Variants in MAL2 observed in about 807,000 individuals in gnomAD.
The protein encoded by MAL2 is protein MAL2.
In MAL2, 17 loss-of-function variants were observed where a neutral mutation model predicts 18.1. The ratio of observed to expected loss-of-function variants is 0.94; its 90% CI spans 0.64 to 1.41. MAL2 has a LOEUF of 1.41. Ranked by LOEUF, MAL2 falls within the 40% of genes most tolerant of loss-of-function variation. MAL2 has a pLI of 0.00. For missense variants in MAL2, 222 were observed against 231.9 expected (o/e 0.96, Z 0.28); for synonymous variants, 102 against 102.3 (o/e 1.00, Z 0.02).
intron 1 of MAL2, chr8:119,221,238 A>C: frequency 5.5e-6 from 1 of 183,084 alleles, no homozygotes; most frequent in Non-Finnish European, 1.1e-5. Flanking sequence ...TGACTGAAAA[A>C]ATACCTTCAT....
intron 1 of MAL2, among the ~76,000 whole-genome samples, chr8:119,210,884 C>T (rs1817257916): frequency 6.6e-6 from 1 of 152,078 alleles, no homozygotes; most frequent in South Asian, 2.1e-4. Context: ...TATCAATCTC[C>T]CCCACCCCAT....
intron 3 of MAL2, among the ~76,000 whole-genome samples, chr8:119,240,903 A>G (rs576199606): frequency 6.6e-6 from 1 of 152,158 alleles, no homozygotes; most frequent in African/African-American, 2.4e-5. Context: ...ATCATCTTTA[A>G]TTCGTATACT....
intron 2 of MAL2, among the ~76,000 whole-genome samples, chr8:119,225,733 C>T (rs1817580111): frequency 6.6e-6 from 1 of 152,174 alleles, no homozygotes; most frequent in African/African-American, 2.4e-5. Context: ...TACATTCCCA[C>T]CAACAGTGTA....
At chr8:119,228,391 G>A (rs1227403389) in intron 2 of MAL2, among the ~76,000 whole-genome samples, 1 of 152,158 alleles carries the variant, frequency 6.6e-6, no homozygotes, top group East Asian at 1.9e-4. Context: ...TAGAAGCGAT[G>A]ACAAGTGGAG....
At chr8:119,223,123 G>A (rs1217813078) in intron 2 of MAL2, among the ~76,000 whole-genome samples, 2 of 152,182 alleles carry the variant, frequency 1.3e-5, no homozygotes, top group Non-Finnish European at 2.9e-5. Flanking sequence ...CAGCTTTAGT[G>A]CAGATGTTAA....
rs1036252549 is a variant in MAL2 at position 119,234,642 on chromosome 8, TCCCTGAC to T, written c.304-5512_304-5506del. Among the ~76,000 whole-genome samples the T allele has an allele frequency of 1.4e-4, 22 of 151,904 alleles. No individual in the cohort carries two copies. In the East Asian group the frequency reaches 2.7e-3, roughly 19 times the overall value. ...CTGGCAGACTGCCTCCTCAAGTGGG[TCCCTGAC>T]CCCTGACCCCGGAACAGCCTAACTG... On this transcript the variant is annotated intron_variant, in intron 2 of 3. Transcript: ENST00000614891.
chr8:119,236,318 G>C (rs1157889386), intron 2 of MAL2, among the ~76,000 whole-genome samples: 3 of 147,686 alleles, frequency 2.0e-5, no homozygotes, highest in East Asian at 2.0e-4. Flanking sequence ...CCTACAAAGA[G>C]ACTTAGACTC....
chr8:119,217,646 C>T (rs1049627039), intron 1 of MAL2, among the ~76,000 whole-genome samples: 3 of 152,280 alleles, frequency 2.0e-5, no homozygotes, highest in South Asian at 2.1e-4. Flanking sequence ...AGATCCAAGA[C>T]GATGAGAATA....
chr8:119,221,217 G>A lies in MAL2; in HGVS notation c.133-370G>A, dbSNP rs1308530472. 4 of 174,484 alleles carry A rather than the reference G, an allele frequency of 2.3e-5. No homozygotes were observed. The East Asian group carries it at 5.8e-4, about 25-fold the overall frequency. 10.8% of individuals were successfully genotyped at this position (174,484 alleles called of 1,614,324 possible). A position where few individuals can be genotyped will look rare whatever the true frequency, so the allele number is the denominator to read the frequency against. On this transcript the variant is annotated intron_variant, in intron 1 of 3. Transcript: ENST00000614891. ...TTGGAGACCAAGCAAAGATGAATTT[G>A]TTAAAATGGTTGACTGAAAAAATAC...
In MAL2 at chr8:119,240,190, T is replaced by G. The variant is rs1818017320; in HGVS notation, c.329T>G (p.Phe110Cys). Residue 110 changes from phenylalanine to cysteine, a missense_variant, in exon 3 of 4, where the codon TTT becomes TGT. By Grantham distance (205) the Phe-to-Cys change is radical (BLOSUM62 -2). Coordinates refer to ENST00000614891, the MANE Select transcript of MAL2 (RefSeq NM_052886.3). ...GATTTTGCCTACCATTTTACAGTAT[T>G]TGTCTTCTATTTTGGAGCCTTTTTA... ...FLDFAYHFTV[F>C]VFYFGAFLLE... The G allele has an allele frequency of 6.2e-7, 1 of 1,613,734 alleles. No homozygotes were observed. The highest frequency in any genetic ancestry group is 8.5e-7 in the Non-Finnish European group (1 of 1,179,818).
At chr8:119,211,170 C>T (rs932082081) in intron 1 of MAL2, among the ~76,000 whole-genome samples, 8 of 152,158 alleles carry the variant, frequency 5.3e-5, no homozygotes, top group Non-Finnish European at 1.2e-4. Flanking sequence ...TTTTCTGATT[C>T]TTTTAAAATT....
chr8:119,232,077 AAG>A (rs1166056884), intron 2 of MAL2, among the ~76,000 whole-genome samples: 4 of 151,032 alleles, frequency 2.6e-5, no homozygotes, highest in Non-Finnish European at 4.4e-5. Flanking sequence ...CCACAAAAAA[AAG>A]ATAATTTTGG....
At chr8:119,228,069 T>A (rs1817633109) in intron 2 of MAL2, among the ~76,000 whole-genome samples, 1 of 152,156 alleles carries the variant, frequency 6.6e-6, no homozygotes, top group African/African-American at 2.4e-5. Context: ...GAGGTCTACA[T>A]ATAATTCCTT....
chr8:119,221,635 CT>C lies in MAL2; in HGVS notation c.182del (p.Leu61HisfsTer13). Reference protein sequence around the residue: ...WILVASSNVPLPLLQGWVMFV... With the variant: ...WILVASSNVPXPLLQGWVMFV... ...TTTGGTTGCCTCCTCCAATGTTCCT[CT>C]ACCTCTACTACAAGGATGGGTCATG... On this transcript the variant is annotated frameshift_variant, in exon 2 of 4. Coordinates refer to ENST00000614891, the MANE Select transcript of MAL2 (RefSeq NM_052886.3). LOFTEE classifies it high-confidence loss of function. 6.2e-7 allele frequency: 1 copy of C among 1,613,934 alleles called. No homozygotes were observed. Among genetic ancestry groups the C allele is most frequent in the Non-Finnish European group, 8.5e-7 (1 of 1,179,834 alleles).
At chr8:119,226,901 A>G (rs1211267219) in intron 2 of MAL2, among the ~76,000 whole-genome samples, 1 of 152,208 alleles carries the variant, frequency 6.6e-6, no homozygotes, top group African/African-American at 2.4e-5. Context: ...CTTAGCAGAA[A>G]TGATCTGGGC....
At chr8:119,215,941 G>A (rs1425050) in intron 1 of MAL2, among the ~76,000 whole-genome samples, 85,997 of 151,984 alleles carry the variant, frequency 0.57, 26,184 homozygotes, top group Middle Eastern at 0.73. Flanking sequence ...TATGTTTCTA[G>A]TTTAAGGAAA....
chr8:119,219,774 C>A (rs1159999952), intron 1 of MAL2, among the ~76,000 whole-genome samples: 1 of 152,004 alleles, frequency 6.6e-6, no homozygotes, highest in Non-Finnish European at 1.5e-5. Context: ...AGATGGAGAG[C>A]CAAAGGGATT....
In MAL2 at chr8:119,243,525, C is replaced by T. The variant is rs115697523; in HGVS notation, c.*37C>T. 4,178 of 1,529,932 alleles carry T rather than the reference C, an allele frequency of 2.7e-3. 102 individuals carry two copies. The African/African-American group carries it at 0.051, about 19-fold the overall frequency. 94.8% of individuals were successfully genotyped at this position (1,529,932 alleles called of 1,614,324 possible). ...AACTGGCAGTCGTATGTTAGTTTCACTTGTCTACTTTATATGTCTGATCAA... is the reference window on the plus strand; with the variant it reads ...AACTGGCAGTCGTATGTTAGTTTCATTTGTCTACTTTATATGTCTGATCAA... On this transcript the variant is annotated 3_prime_UTR_variant, in exon 4 of 4. Transcript: ENST00000614891.
chr8:119,242,125 A>G (rs1392554388), intron 3 of MAL2, among the ~76,000 whole-genome samples: 1 of 152,142 alleles, frequency 6.6e-6, no homozygotes, highest in Non-Finnish European at 1.5e-5. Flanking sequence ...AGATTCTTGT[A>G]TCTTGGATCA....
Sources: gnomAD v4.1 joint callset for allele counts (sites outside exome capture counted in the v4.1 genomes callset) on GRCh38, gnomAD v4.1.1 for gene constraint, MANE v1.5 for transcripts, NCBI Gene and HGNC (gene_info 2026-07-23, HGNC 2026-07-21) for gene names.